The following ANKH variants were observed in gnomAD, a reference collection of about 807,000 sequenced individuals.
The protein encoded by ANKH is mineralization regulator ANKH.
In ANKH, 15 loss-of-function variants were observed where a neutral mutation model predicts 49.0. The ratio of observed to expected loss-of-function variants is 0.31; its 90% CI spans 0.20 to 0.47. ANKH has a LOEUF of 0.47. Among genes scored for constraint, ANKH ranks in the 20% least tolerant of loss-of-function variants. The pLI is 1.00. For missense variants in ANKH, 429 were observed against 652.0 expected, an observed-to-expected ratio of 0.66 and a Z score of 3.72; for synonymous variants, 273 against 260.0, an observed-to-expected ratio of 1.05 and a Z score of -0.48.
intron 9 of ANKH, among the ~76,000 whole-genome samples, 190 bp downstream of exon 9, chr5:14,716,511 TAAATA>T (rs1737467506): frequency 6.6e-6 from 1 of 151,398 alleles, no homozygotes; most frequent in Admixed American, 6.6e-5. Flanking sequence ...AATAAATAAA[TAAATA>T]AAATAAAAAG....
intron 2 of ANKH, among the ~76,000 whole-genome samples, chr5:14,764,153 C>G (rs115281998): frequency 2.6e-5 from 4 of 152,284 alleles, no homozygotes; most frequent in African/African-American, 9.6e-5. Context: ...AGTCTTCCCT[C>G]CTACTTATAT....
rs911335555 is a variant in ANKH, at chr5:14,713,933, C to A, written c.1142-266G>T. ...GCTCCTTTCTCCACTGGGACAGCAT[C>A]TTCCAGGCAGCCTAGCTGCTCTTGT... is the stretch of plus-strand genomic sequence containing the variant. On this transcript the variant is annotated intron_variant, in intron 9 of 11. Coordinates refer to ENST00000284268, the MANE Select transcript of ANKH (RefSeq NM_054027.6). The surrounding 1 kb of genome is among the most constrained non-coding windows in gnomAD (Gnocchi z 4.4). Among the ~76,000 whole-genome samples, 1 of 152,268 alleles carries A rather than the reference C, an allele frequency of 6.6e-6. No individual in the cohort carries two copies. The highest frequency in any genetic ancestry group is 2.4e-5 in the African/African-American group (1 of 41,480).
At chr5:14,784,012 C>T (rs1040437232) in intron 1 of ANKH, among the ~76,000 whole-genome samples, 5 of 152,256 alleles carry the variant, frequency 3.3e-5, no homozygotes, top group African/African-American at 7.2e-5. Context: ...CTTTGTCCTC[C>T]ACCTTGCCCT....
intron 1 of ANKH, among the ~76,000 whole-genome samples, chr5:14,771,590 C>T (rs370413737): frequency 2.6e-5 from 4 of 151,932 alleles, no homozygotes; most frequent in East Asian, 1.9e-4. Flanking sequence ...GGGTCTGATA[C>T]GACAGTAAGG....
At chr5:14,813,953 A>G (rs1315904871) in intron 1 of ANKH, among the ~76,000 whole-genome samples, 2 of 152,050 alleles carry the variant, frequency 1.3e-5, no homozygotes, top group Non-Finnish European at 2.9e-5. Context: ...CCAGCCCCCA[A>G]GCATCACAGC....
At position 14,755,904 on chromosome 5, in the gene ANKH, C is replaced by T; in HGVS notation, c.473G>A (p.Ser158Asn). 1 of 1,614,116 alleles carries T rather than the reference C, an allele frequency of 6.2e-7. No homozygotes were observed. Among genetic ancestry groups the T allele is most frequent in the East Asian group, 2.2e-5 (1 of 44,884 alleles). Reference protein sequence around the residue: ...HAGILLKHKYSFLVGCASISD... With the variant: ...HAGILLKHKYNFLVGCASISD... ...GATTGAGGCACATCCCACCAGGAAA[C>T]TGTATTTGTGTTTTAAGAGAATGCC... The change falls in exon 4 of 12, where the codon AGT (serine) becomes AAT (asparagine). Residue 158 changes from serine (S) to asparagine (N), a missense_variant. Ser to Asn is a conservative substitution (Grantham distance 46, BLOSUM62 1). This residue lies in a region of ANKH where 378 missense variants were observed against 615.3 expected (regional missense o/e 0.61). Coordinates refer to ENST00000284268, the MANE Select transcript of ANKH (RefSeq NM_054027.6).
intron 1 of ANKH, among the ~76,000 whole-genome samples, chr5:14,815,270 G>A (rs747196105): frequency 1.7e-4 from 26 of 152,136 alleles, no homozygotes; most frequent in Non-Finnish European, 1.9e-4. Context: ...CTGCATATGA[G>A]GATTTAAAAA....
At chr5:14,724,308 ACTCTGT>A (rs1737757616) in intron 8 of ANKH, among the ~76,000 whole-genome samples, 1 of 124,998 alleles carries the variant, frequency 8.0e-6, no homozygotes, top group Non-Finnish European at 1.7e-5. Flanking sequence ...CAAGAGTGAA[ACTCTGT>A]CTCAAAACAA....
intron 1 of ANKH, among the ~76,000 whole-genome samples, 187 bp from the exon 2 acceptor site, chr5:14,769,378 G>T (rs1739354216): frequency 6.6e-6 from 1 of 152,234 alleles, no homozygotes; most frequent in African/African-American, 2.4e-5. Flanking sequence ...TTCAGTTTGA[G>T]TTTCTTTTTG....
chr5:14,756,598 C>T (rs958147324), intron 3 of ANKH, among the ~76,000 whole-genome samples: 21 of 152,200 alleles, frequency 1.4e-4, no homozygotes, highest in Admixed American at 7.2e-4. Flanking sequence ...ATCTGAGCTA[C>T]GCACAATGAG....
chr5:14,809,162 A>C, intron 1 of ANKH, among the ~76,000 whole-genome samples: 1 of 107,444 alleles, frequency 9.3e-6, no homozygotes, highest in Non-Finnish European at 1.8e-5. Flanking sequence ...AGGAAGGGGA[A>C]TATCACACTC....
chr5:14,787,691 C>T (rs1256134390), intron 1 of ANKH, among the ~76,000 whole-genome samples: 1 of 152,154 alleles, frequency 6.6e-6, no homozygotes, highest in Non-Finnish European at 1.5e-5. Context: ...GGGTGCAAAG[C>T]CAAGGAAGCA....
intron 1 of ANKH, among the ~76,000 whole-genome samples, chr5:14,861,927 C>G (rs1317414706): frequency 6.6e-6 from 1 of 152,226 alleles, no homozygotes; most frequent in African/African-American, 2.4e-5. Context: ...CTTTCCTTCC[C>G]TGGATGGACT....
chr5:14,777,551 C>A (rs569972237), intron 1 of ANKH, among the ~76,000 whole-genome samples: 1 of 152,196 alleles, frequency 6.6e-6, no homozygotes, highest in Non-Finnish European at 1.5e-5. Context: ...CTAAAAGAGA[C>A]GCCAACATTG....
intron 1 of ANKH, among the ~76,000 whole-genome samples, chr5:14,816,003 G>A (rs1019619129): frequency 1.3e-5 from 2 of 152,158 alleles, no homozygotes; most frequent in Admixed American, 6.6e-5. Flanking sequence ...TAGATTGTCC[G>A]ATCCTGGTTT....
chr5:14,811,642 C>T (rs1244627172), intron 1 of ANKH, among the ~76,000 whole-genome samples: 2 of 152,198 alleles, frequency 1.3e-5, no homozygotes, highest in African/African-American at 4.8e-5. Context: ...AGTTTCCTAA[C>T]ATTTTAACAT....
intron 1 of ANKH, among the ~76,000 whole-genome samples, chr5:14,851,180 A>G (rs1277622499): frequency 6.6e-6 from 1 of 152,144 alleles, no homozygotes; most frequent in Non-Finnish European, 1.5e-5. Context: ...GAGGTTTAGG[A>G]CACCAACACC....
At chr5:14,835,922 A>G (rs1456514943) in intron 1 of ANKH, among the ~76,000 whole-genome samples, 1 of 152,238 alleles carries the variant, frequency 6.6e-6, no homozygotes, top group Admixed American at 6.5e-5. Context: ...ATTCACCACG[A>G]TCAAGTTGGC....
intron 1 of ANKH, chr5:14,797,670 C>T (rs777070576): frequency 2.4e-5 from 38 of 1,598,132 alleles, no homozygotes; most frequent in Non-Finnish European, 2.9e-5. Context: ...AGCAACTGAC[C>T]CAAACAGAGA....
Sources: gnomAD v4.1 joint callset for allele counts (sites outside exome capture counted in the v4.1 genomes callset) on GRCh38, gnomAD v4.1.1 for gene constraint, gnomAD v4.1.1 regional missense constraint, Gnocchi (gnomAD v3.1) non-coding constraint, MANE v1.5 for transcripts, NCBI Gene and HGNC (gene_info 2026-07-23, HGNC 2026-07-21) for gene names.